Variants in LRRC71 observed in about 807,000 individuals in gnomAD.
LRRC71 encodes leucine-rich repeat-containing protein 71.
Under a neutral mutation model 66.6 loss-of-function variants are expected in LRRC71, and 54 were observed. That is an observed-to-expected ratio of 0.81 (90% CI 0.65 to 1.02). The LOEUF (loss-of-function observed/expected upper bound fraction) is 1.02. Ranked by LOEUF, LRRC71 falls within the 50% of genes least tolerant of loss-of-function variation. The pLI is 0.00. For missense variants in LRRC71, 724 were observed against 718.0 expected, an observed-to-expected ratio of 1.01 and a Z score of -0.10; for synonymous variants, 323 against 303.9, an observed-to-expected ratio of 1.06 and a Z score of -0.65.
At chr1:156,936,526 A>ATATATATATATATAT (rs1655356160), downstream of LRRC71, among the ~76,000 whole-genome samples, 7 of 132,366 alleles carry the variant, frequency 5.3e-5, no homozygotes, top group East Asian at 4.4e-4. Flanking sequence ...ATATATATAT[A>ATATATATATATATAT]AAATTAAAAA....
At chr1:156,938,862 G>C in the LRRC71 span, 1 of 275,264 alleles carries the variant, frequency 3.6e-6, no homozygotes, top group African/African-American at 2.2e-5. Flanking sequence ...CCCAGGCTTT[G>C]TTCTACTTTT....
chr1:156,922,041 G>C (rs1348955975), intron 1 of LRRC71, among the ~76,000 whole-genome samples: 1 of 152,126 alleles, frequency 6.6e-6, no homozygotes. Context: ...CATGGAGATG[G>C]GAAAGGCCAA....
At chr1:156,924,761 TTGGGGC>T in intron 4 of LRRC71, 43 bp downstream of exon 4, 20 of 1,546,150 alleles carry the variant, frequency 1.3e-5, no homozygotes, top group Non-Finnish European at 1.8e-5. Flanking sequence ...AGAGTGGGAG[TTGGGGC>T]TCCTGGTGGC....
intron 1 of LRRC71, chr1:156,921,760 C>CACACACACAG (rs1553273362): frequency 2.2e-6 from 1 of 453,522 alleles, no homozygotes; most frequent in African/African-American, 2.2e-5. Flanking sequence ...CACACACACA[C>CACACACACAG]ACAGACATGG....
chr1:156,924,155 C>T lies in LRRC71; in HGVS notation c.310+57C>T, dbSNP rs547488170. On this transcript the variant is annotated intron_variant, in intron 2 of 14. Coordinates refer to ENST00000337428, the MANE Select transcript of LRRC71 (RefSeq NM_144702.3). The stretch of plus-strand genomic sequence containing the variant: ...CAGGGCCGCCTAGTCCATCCTCAGC[C>T]TCCCTTCCCACGCCGGGCCAAATGG... The T allele has an allele frequency of 1.8e-5, 27 of 1,526,784 alleles. No individual in the cohort carries two copies. The African/African-American group carries it at 3.0e-4, about 17-fold the overall frequency. 94.6% of individuals were successfully genotyped at this position (1,526,784 alleles called of 1,614,324 possible). A position where few individuals can be genotyped will look rare whatever the true frequency, so the allele number is the denominator to read the frequency against.
chr1:156,940,789 G>A, the LRRC71 span, among the ~76,000 whole-genome samples: 1 of 152,156 alleles, frequency 6.6e-6, no homozygotes, highest in Non-Finnish European at 1.5e-5. Context: ...TGGGCCAAGA[G>A]GACACTGGAA....
chr1:156,925,117 G>C (rs1215347559), intron 5 of LRRC71, 102 bp downstream of exon 5: 1 of 1,054,746 alleles, frequency 9.5e-7, no homozygotes, highest in East Asian at 2.6e-5. Flanking sequence ...AGCTCCTGTG[G>C]GCCTGCCTGG....
intron 14 of LRRC71, 21 bp from the exon 15 acceptor site, chr1:156,932,832 C>T (rs746910367): frequency 9.6e-6 from 15 of 1,556,478 alleles, no homozygotes; most frequent in Admixed American, 5.3e-5. Flanking sequence ...TGTCAGATGT[C>T]AGCCTTCCTT....
chr1:156,932,368 C>A, intron 13 of LRRC71, 56 bp from the exon 14 acceptor site: 1 of 1,401,588 alleles, frequency 7.1e-7, no homozygotes, highest in Non-Finnish European at 1.0e-6. Flanking sequence ...TCTGGTGTGT[C>A]AGGTGCCAAT....
At chr1:156,936,497 A>AAATATATATAT (rs370282821), downstream of LRRC71, among the ~76,000 whole-genome samples, 5 of 33,936 alleles carry the variant, frequency 1.5e-4, no homozygotes, top group African/African-American at 1.5e-4. Flanking sequence ...AAAAAAAAAA[A>AAATATATATAT]ATATATATAT....
chr1:156,932,995 G>T lies in LRRC71; in HGVS notation c.*26G>T. The T allele has an allele frequency of 6.6e-7, 1 of 1,525,242 alleles. No individual in the cohort carries two copies. The highest frequency in any genetic ancestry group is 1.2e-5 in the South Asian group (1 of 83,240). 94.5% of individuals were successfully genotyped at this position (1,525,242 alleles called of 1,614,324 possible). On this transcript the variant is annotated 3_prime_UTR_variant, in exon 15 of 15. Transcript: ENST00000337428. ...CCCCCTCCCACCTGCTTGCCTCTAA[G>T]ACTCGGGGCTACAGAAGCACCTCCT...
intron 5 of LRRC71, among the ~76,000 whole-genome samples, chr1:156,925,364 C>T (rs1281110124): frequency 6.6e-6 from 1 of 152,204 alleles, no homozygotes; most frequent in African/African-American, 2.4e-5. Flanking sequence ...AGAAACAGTT[C>T]TTATCCTCCA....
downstream of LRRC71, chr1:156,937,314 G>A (rs768508284): frequency 6.2e-7 from 1 of 1,613,978 alleles, no homozygotes; most frequent in Non-Finnish European, 8.5e-7. Flanking sequence ...ACGTCCCTGA[G>A]GGCCAGGCTT....
At chr1:156,935,743 G>A (rs3765791), downstream of LRRC71, 213 of 485,684 alleles carry the variant, frequency 4.4e-4, 4 homozygotes, top group East Asian at 7.0e-3. Flanking sequence ...GGGGCCTTTC[G>A]GATGCAGTCA....
At chr1:156,938,509 C>T in the LRRC71 span, 1 of 1,612,608 alleles carries the variant, frequency 6.2e-7, no homozygotes, top group Non-Finnish European at 8.5e-7. Context: ...TGCCTGCCAC[C>T]TCAGCTGCAC....
chr1:156,920,909 G>C lies in LRRC71; in HGVS notation c.106G>C (p.Glu36Gln). The C allele has an allele frequency of 1.3e-6, 2 of 1,541,496 alleles. No homozygotes were observed. The highest frequency in any genetic ancestry group is 2.0e-5 in the Admixed American group (1 of 49,968). ...CAAAAAGGGAGAGCGCGCGGCCAAA[G>C]AGAAGCCAGCGACCGTTCTGCCTCC... ...VTKKGERAAK[E>Q]KPATVLPPVG... Residue 36 changes from glutamate (E) to glutamine (Q), a missense_variant, in exon 1 of 15, where the codon GAG becomes CAG. Physicochemically the swap from Glu to Gln is conservative, Grantham distance 29. Coordinates refer to ENST00000337428, the MANE Select transcript of LRRC71 (RefSeq NM_144702.3). This position sits in a 1 kb window ranked among gnomAD's most constrained non-coding sequence, Gnocchi z 4.9.
At position 156,932,535 on chromosome 1, in the gene LRRC71, TGTCCCTGGCTGTGA is replaced by T. The variant is rs754608154; in HGVS notation, c.1560_1563+10del. 1 of 1,613,956 alleles carries T rather than the reference TGTCCCTGGCTGTGA, an allele frequency of 6.2e-7. No homozygotes were observed. The highest frequency in any genetic ancestry group is 1.1e-5 in the South Asian group (1 of 91,084). On this transcript the variant is annotated splice_donor_variant and splice_donor_region_variant and coding_sequence_variant and intron_variant, in exon 14 of 15. Transcript: ENST00000337428. LOFTEE classifies it high-confidence loss of function. ...AAGGGTCCAGTGGGGCTGCTGTGGC[TGTCCCTGGCTGTGA>T]GTCCCTTTCACTCTCTCCTGCTGAA...
In LRRC71 at chr1:156,929,277, C is replaced by T. The variant is rs760641762; in HGVS notation, c.997-3C>T. The T allele has an allele frequency of 2.5e-6, 4 of 1,597,360 alleles. No individual in the cohort carries two copies. Among genetic ancestry groups the T allele is most frequent in the East Asian group, 2.3e-5 (1 of 44,150 alleles). ...CCCCCTTCCCTCCCATTTGTGAGCA[C>T]AGCCCTCCTCCTCTCGACACGGGGA... On this transcript the variant is annotated splice_region_variant and splice_polypyrimidine_tract_variant and intron_variant, in intron 9 of 14. Coordinates refer to ENST00000337428, the MANE Select transcript of LRRC71 (RefSeq NM_144702.3).
downstream of LRRC71, chr1:156,933,112 C>T: frequency 1.6e-6 from 1 of 610,684 alleles, no homozygotes; most frequent in Non-Finnish European, 2.9e-6. Flanking sequence ...TGAAAACTTT[C>T]TTCCAGAACT....
Sources: allele counts gnomAD v4.1 joint callset (sites outside exome capture counted in the v4.1 genomes callset), GRCh38; gene constraint gnomAD v4.1.1; non-coding constraint Gnocchi (gnomAD v3.1); transcripts MANE v1.5; gene names NCBI Gene and HGNC (gene_info 2026-07-23, HGNC 2026-07-21).